The following LRMDA variants were observed in gnomAD, a reference collection of about 807,000 sequenced individuals.
LRMDA encodes leucine rich melanocyte differentiation associated.
LRMDA carries 18 observed loss-of-function variants against 29.8 expected under a neutral mutation model. That is an observed-to-expected ratio of 0.60 (90% CI 0.42 to 0.90). The LOEUF (loss-of-function observed/expected upper bound fraction) is 0.90. LRMDA is among the 40% of genes least tolerant of loss of function. LRMDA has a pLI of 0.00. For synonymous variants in LRMDA, 125 were observed against 109.4 expected, an observed-to-expected ratio of 1.14 and a Z score of -0.89; for missense variants, 273 against 273.9, an observed-to-expected ratio of 1.00 and a Z score of 0.02.
At chr10:75,792,134 G>A (rs1206615100) in intron 2 of LRMDA, among the ~76,000 whole-genome samples, 3 of 151,982 alleles carry the variant, frequency 2.0e-5, no homozygotes, top group Admixed American at 1.3e-4. Flanking sequence ...CTGCGGGCGT[G>A]AGCCACCTTG....
At chr10:76,177,713 A>C (rs995549410) in intron 5 of LRMDA, among the ~76,000 whole-genome samples, 9 of 152,128 alleles carry the variant, frequency 5.9e-5, no homozygotes, top group African/African-American at 9.7e-5. Flanking sequence ...ATATTGAGAG[A>C]CCTCCCAATT....
intron 5 of LRMDA, among the ~76,000 whole-genome samples, chr10:76,299,217 G>A (rs1004139772): frequency 6.6e-6 from 1 of 151,030 alleles, no homozygotes; most frequent in Admixed American, 6.6e-5. Context: ...TATGTTTTAA[G>A]TATATTGTGT....
chr10:75,906,871 G>C (rs1000900957), intron 2 of LRMDA, among the ~76,000 whole-genome samples: 6 of 82,978 alleles, frequency 7.2e-5, no homozygotes, highest in Non-Finnish European at 1.5e-4. Flanking sequence ...GTGGACTTGG[G>C]GGTGCAAGGT....
chr10:76,310,301 A>G (rs1283976219), intron 5 of LRMDA, among the ~76,000 whole-genome samples: 1 of 152,188 alleles, frequency 6.6e-6, no homozygotes, highest in African/African-American at 2.4e-5. Context: ...ATTACACTCC[A>G]TCATCCTTAA....
In LRMDA at chr10:76,050,887, A is replaced by C. The variant is rs113405527; in HGVS notation, c.398+3584A>C. ...CTGGACTTCACCTTTCAAATAAGGGAGTTGGTCTCATGGTCTTTTAGCTCT... is the reference window on the plus strand; with the variant it reads ...CTGGACTTCACCTTTCAAATAAGGGCGTTGGTCTCATGGTCTTTTAGCTCT... On this transcript the variant is annotated intron_variant, in intron 4 of 6. Transcript: ENST00000611255. 2.8e-3 allele frequency among the ~76,000 whole-genome samples: 427 copies of C among 152,226 alleles called. 5 individuals carry two copies. Among genetic ancestry groups the C allele is most frequent in the African/African-American group, 9.8e-3 (409 of 41,536 alleles).
At chr10:76,532,194 A>G (rs540311394) in intron 6 of LRMDA, among the ~76,000 whole-genome samples, 1 of 152,178 alleles carries the variant, frequency 6.6e-6, no homozygotes, top group South Asian at 2.1e-4. Context: ...ACCCCCCGAC[A>G]GGCCCTGGTG....
At chr10:75,950,286 C>G (rs947695073) in intron 2 of LRMDA, among the ~76,000 whole-genome samples, 1 of 152,198 alleles carries the variant, frequency 6.6e-6, no homozygotes, top group African/African-American at 2.4e-5. Context: ...CTTCCTCCCT[C>G]AATGTTTGCA....
At chr10:76,303,099 C>T (rs1840502423) in intron 5 of LRMDA, among the ~76,000 whole-genome samples, 1 of 152,132 alleles carries the variant, frequency 6.6e-6, no homozygotes, top group Non-Finnish European at 1.5e-5. Context: ...GCTGCAAGCC[C>T]CTTGCTGAAC....
At chr10:75,838,899 T>C (rs1844486901) in intron 2 of LRMDA, among the ~76,000 whole-genome samples, 2 of 152,140 alleles carry the variant, frequency 1.3e-5, no homozygotes, top group South Asian at 4.2e-4. Context: ...GGAGAGACAA[T>C]CCATGGATTC....
chr10:76,347,120 A>C (rs1254013438), intron 6 of LRMDA, among the ~76,000 whole-genome samples: 1 of 152,194 alleles, frequency 6.6e-6, no homozygotes, highest in Admixed American at 6.5e-5. Flanking sequence ...GGTATGGCAA[A>C]ATCACTGGTG....
At chr10:76,231,224 T>C (rs1852053604) in intron 5 of LRMDA, among the ~76,000 whole-genome samples, 2 of 152,190 alleles carry the variant, frequency 1.3e-5, no homozygotes, top group Admixed American at 1.3e-4. Flanking sequence ...GTTTTTATAT[T>C]TGAGATTAAG....
At chr10:75,755,034 GT>G (rs1356442570) in intron 2 of LRMDA, among the ~76,000 whole-genome samples, 3 of 149,550 alleles carry the variant, frequency 2.0e-5, no homozygotes, top group Non-Finnish European at 4.4e-5. Context: ...TCATGGAAAA[GT>G]TTTTTGGTTT....
intron 2 of LRMDA, among the ~76,000 whole-genome samples, chr10:75,693,901 A>G (rs531113565): frequency 1.3e-5 from 2 of 152,358 alleles, no homozygotes; most frequent in South Asian, 4.1e-4. Context: ...AGGAAAATAC[A>G]GAAAGATGCT....
In LRMDA at chr10:75,579,237, G is replaced by GAT. The variant is rs553546126; in HGVS notation, c.131+140746_131+140747dup. Among the ~76,000 whole-genome samples the GAT allele has an allele frequency of 2.4e-3, 365 of 152,196 alleles. 5 individuals carry two copies. The highest frequency in any genetic ancestry group is 8.7e-3 in the African/African-American group (361 of 41,524). ...AGATGCAATAGAAAATGATAAAGGG[G>GAT]ATATCACCACTGATCCCACAGAAAT... On this transcript the variant is annotated intron_variant, in intron 2 of 6. Coordinates refer to ENST00000611255, the MANE Select transcript of LRMDA (RefSeq NM_001305581.2).
At chr10:75,685,576 G>A (rs908213889) in intron 2 of LRMDA, among the ~76,000 whole-genome samples, 2 of 152,160 alleles carry the variant, frequency 1.3e-5, no homozygotes, top group African/African-American at 4.8e-5. Context: ...TTGAGAGCTT[G>A]TCGACTTCCA....
At chr10:75,702,905 G>C (rs1207031030) in intron 2 of LRMDA, among the ~76,000 whole-genome samples, 1 of 152,154 alleles carries the variant, frequency 6.6e-6, no homozygotes, top group Non-Finnish European at 1.5e-5. Context: ...GCACAGAAAT[G>C]GGTCTCAGGA....
At chr10:75,946,879 A>C (rs958273740) in intron 2 of LRMDA, among the ~76,000 whole-genome samples, 4 of 152,076 alleles carry the variant, frequency 2.6e-5, no homozygotes, top group African/African-American at 7.2e-5. Flanking sequence ...GTGCAACAAC[A>C]CTGCAGAACT....
At chr10:76,140,417 C>G (rs1850177367) in intron 5 of LRMDA, among the ~76,000 whole-genome samples, 1 of 152,070 alleles carries the variant, frequency 6.6e-6, no homozygotes, top group African/African-American at 2.4e-5. Context: ...ATATGTCTCC[C>G]TCCACTCCCA....
chr10:76,116,693 G>A (rs918555974), intron 5 of LRMDA, among the ~76,000 whole-genome samples: 1 of 152,158 alleles, frequency 6.6e-6, no homozygotes, highest in African/African-American at 2.4e-5. Context: ...CTTCCCAGAT[G>A]TCAACTTTGA....
Sources: allele counts gnomAD v4.1 joint callset (sites outside exome capture counted in the v4.1 genomes callset), GRCh38; gene constraint gnomAD v4.1.1; transcripts MANE v1.5; gene names NCBI Gene and HGNC (gene_info 2026-07-23, HGNC 2026-07-21).